The following LRRC75A variants were observed in gnomAD, a reference collection of about 807,000 sequenced individuals.
LRRC75A encodes leucine rich repeat containing 75A.
In LRRC75A, 12 loss-of-function variants were observed where a neutral mutation model predicts 26.0. That is an observed-to-expected ratio of 0.46 (90% CI 0.30 to 0.75). The LOEUF (loss-of-function observed/expected upper bound fraction) is 0.75, where lower values mean the gene tolerates loss of function less well. Ranked by LOEUF, LRRC75A falls within the 30% of genes least tolerant of loss-of-function variation. The pLI is 0.08. For synonymous variants in LRRC75A, 223 were observed against 219.3 expected (o/e 1.02, Z -0.15); for missense variants, 410 against 486.6 (o/e 0.84, Z 1.48).
At chr17:16,476,363 G>A (rs1008429308) in intron 1 of LRRC75A, among the ~76,000 whole-genome samples, 13 of 151,252 alleles carry the variant, frequency 8.6e-5, no homozygotes, top group Admixed American at 8.5e-4. Context: ...GTGAGACTCT[G>A]TCTCAAAAAA....
In LRRC75A at chr17:16,462,222, C is replaced by G. The variant is rs773428798; in HGVS notation, c.375+36G>C. ...CCCAGAAAGGCACCCACCGCACACCCCGGGACCTGGCTGGCTCGGACCACA... is the reference window on the plus strand; with the variant it reads ...CCCAGAAAGGCACCCACCGCACACCGCGGGACCTGGCTGGCTCGGACCACA... On this transcript the variant is annotated intron_variant, in intron 2 of 3. Transcript: ENST00000470794. This position sits in a 1 kb window ranked among gnomAD's most constrained non-coding sequence, Gnocchi z 4.6. 1.2e-5 allele frequency: 19 copies of G among 1,612,990 alleles called. No homozygotes were observed. The highest frequency in any genetic ancestry group is 1.6e-5 in the Non-Finnish European group (19 of 1,179,448).
intron 1 of LRRC75A, among the ~76,000 whole-genome samples, chr17:16,481,892 T>C (rs11868774): frequency 0.37 from 55,932 of 151,992 alleles, 11,021 homozygotes; most frequent in African/African-American, 0.52. Flanking sequence ...GTTCCCCTGA[T>C]TCCCCCACCA....
At chr17:16,465,637 A>C (rs577682271) in intron 1 of LRRC75A, among the ~76,000 whole-genome samples, 1 of 152,216 alleles carries the variant, frequency 6.6e-6, no homozygotes, top group East Asian at 1.9e-4. Flanking sequence ...CTACATCTCC[A>C]AGCTAGTCTA....
At position 16,491,512 on chromosome 17, in the gene LRRC75A, G is replaced by A. The variant is rs2093857068; in HGVS notation, c.246+233C>T. ...AGCAGTGGGGACATTATGCCAACAGGTCCCCTTCGGCGGGCCTCACCCGGC... is the reference window on the plus strand; with the variant it reads ...AGCAGTGGGGACATTATGCCAACAGATCCCCTTCGGCGGGCCTCACCCGGC... On this transcript the variant is annotated intron_variant, in intron 1 of 3. Coordinates refer to ENST00000470794, the MANE Select transcript of LRRC75A (RefSeq NM_001113567.3). The surrounding 1 kb of genome is among the most constrained non-coding windows in gnomAD (Gnocchi z 5.9). Among the ~76,000 whole-genome samples the A allele has an allele frequency of 6.6e-6, 1 of 152,174 alleles. No individual in the cohort carries two copies. Among genetic ancestry groups the A allele is most frequent in the East Asian group, 1.9e-4 (1 of 5,184 alleles).
intron 1 of LRRC75A, among the ~76,000 whole-genome samples, chr17:16,469,153 A>G (rs2093791378): frequency 6.6e-6 from 1 of 152,084 alleles, no homozygotes; most frequent in African/African-American, 2.4e-5. Flanking sequence ...TGCATGATAC[A>G]CTTTCATCCA....
In LRRC75A at chr17:16,485,661, T is replaced by C. The variant is rs568217115; in HGVS notation, c.246+6084A>G. Among the ~76,000 whole-genome samples, 5 of 130,498 alleles carry C rather than the reference T, an allele frequency of 3.8e-5. No homozygotes were observed. In the South Asian group the frequency reaches 1.2e-3, roughly 30 times the overall value. 85.6% of individuals were successfully genotyped at this position (130,498 alleles called of 152,430 possible). On this transcript the variant is annotated intron_variant, in intron 1 of 3. Transcript: ENST00000470794. Reference sequence around the variant, plus strand: ...GTGTGTGTGTGTGTGTGTGTGTGTGTGTGTGTGTTCGTGTGTGTGTGTGTG... The same window carrying C: ...GTGTGTGTGTGTGTGTGTGTGTGTGCGTGTGTGTTCGTGTGTGTGTGTGTG...
intron 3 of LRRC75A, among the ~76,000 whole-genome samples, chr17:16,445,303 C>T (rs1429749548): frequency 2.0e-5 from 3 of 149,068 alleles, no homozygotes; most frequent in African/African-American, 7.4e-5. Context: ...GTAGCTGGGA[C>T]TACAGGTGTG....
intron 1 of LRRC75A, among the ~76,000 whole-genome samples, chr17:16,468,512 A>G (rs1215315793): frequency 6.6e-6 from 1 of 152,246 alleles, no homozygotes; most frequent in African/African-American, 2.4e-5. Context: ...AGACTAGTTA[A>G]TTCATACAGA....
At chr17:16,469,508 C>T (rs763970635) in intron 1 of LRRC75A, among the ~76,000 whole-genome samples, 2 of 152,214 alleles carry the variant, frequency 1.3e-5, no homozygotes, top group African/African-American at 2.4e-5. Context: ...GTGACACCCA[C>T]GTCTATCAGC....
intron 2 of LRRC75A, among the ~76,000 whole-genome samples, chr17:16,452,136 G>GA (rs1449800404): frequency 7.1e-6 from 1 of 141,556 alleles, no homozygotes; most frequent in Non-Finnish European, 1.5e-5. Flanking sequence ...AGGATCACTT[G>GA]ACCCCAGGAG....
In LRRC75A at chr17:16,491,689, CGGCCCAGCA is replaced by C; in HGVS notation, c.246+47_246+55del. 8.2e-7 allele frequency: 1 copy of C among 1,215,074 alleles called. No individual in the cohort carries two copies. The highest frequency in any genetic ancestry group is 1.0e-6 in the Non-Finnish European group (1 of 961,738). 75.3% of individuals were successfully genotyped at this position (1,215,074 alleles called of 1,614,324 possible). A position where few individuals can be genotyped will look rare whatever the true frequency, so the allele number is the denominator to read the frequency against. ...TCGGTTAGGGATGGGGCGCCCCCCC[CGGCCCAGCA>C]CGCCCCCTGGCCCGGCGCGCCCCCC... On this transcript the variant is annotated intron_variant, in intron 1 of 3. Transcript: ENST00000470794. This position sits in a 1 kb window ranked among gnomAD's most constrained non-coding sequence, Gnocchi z 5.9.
Position 16,462,486 on chromosome 17 carries a change from G to C in LRRC75A, c.247-100C>G. On this transcript the variant is annotated intron_variant, in intron 1 of 3. Coordinates refer to ENST00000470794, the MANE Select transcript of LRRC75A (RefSeq NM_001113567.3). The surrounding 1 kb of genome is among the most constrained non-coding windows in gnomAD (Gnocchi z 4.6). Reference sequence around the variant, plus strand: ...GGCACAGACCCCTAGAGGCGACTCTGCCTCCCAGAGCCCCGGTGGGGAGCA... The same window carrying C: ...GGCACAGACCCCTAGAGGCGACTCTCCCTCCCAGAGCCCCGGTGGGGAGCA... The C allele has an allele frequency of 6.7e-7, 1 of 1,486,304 alleles. No homozygotes were observed. Among genetic ancestry groups the C allele is most frequent in the South Asian group, 1.3e-5 (1 of 79,538 alleles). 92.1% of individuals were successfully genotyped at this position (1,486,304 alleles called of 1,614,324 possible). A position where few individuals can be genotyped will look rare whatever the true frequency, so the allele number is the denominator to read the frequency against.
At chr17:16,467,467 A>G (rs1345981247) in intron 1 of LRRC75A, among the ~76,000 whole-genome samples, 3 of 152,012 alleles carry the variant, frequency 2.0e-5, no homozygotes, top group African/African-American at 7.3e-5. Flanking sequence ...TCACACCTTC[A>G]CTCTGTATTC....
intron 2 of LRRC75A, among the ~76,000 whole-genome samples, chr17:16,451,861 C>T (rs985798029): frequency 6.6e-6 from 1 of 151,304 alleles, no homozygotes; most frequent in African/African-American, 2.4e-5. Context: ...TCTCCTGCCT[C>T]AGCCTCTCCA....
At position 16,443,689 on chromosome 17, in the gene LRRC75A, G is replaced by T. The variant is rs964201452; in HGVS notation, c.934C>A (p.Arg312=). The T allele has an allele frequency of 3.1e-6, 5 of 1,606,790 alleles. No homozygotes were observed. The highest frequency in any genetic ancestry group is 4.2e-6 in the Non-Finnish European group (5 of 1,176,636). ...GEGPGSGEEV[R]EGTVGQEDPG... ...TCCTCCTGGCCTACTGTCCCTTCCCGGACCTCCTCCCCACTGCCTGGGCCC... is the reference window on the plus strand; with the variant it reads ...TCCTCCTGGCCTACTGTCCCTTCCCTGACCTCCTCCCCACTGCCTGGGCCC... The change falls in exon 4 of 4, where the codon CGG becomes AGG. Residue 312 remains arginine, a synonymous_variant. Transcript: ENST00000470794.
chr17:16,484,695 C>CA (rs1165219264), intron 1 of LRRC75A, among the ~76,000 whole-genome samples: 2 of 152,066 alleles, frequency 1.3e-5, no homozygotes, highest in Non-Finnish European at 2.9e-5. Flanking sequence ...ATGAAAGAAA[C>CA]AGAGACACAA....
intron 1 of LRRC75A, among the ~76,000 whole-genome samples, chr17:16,483,891 G>T (rs1329855513): frequency 6.6e-6 from 1 of 152,214 alleles, no homozygotes; most frequent in Non-Finnish European, 1.5e-5. Flanking sequence ...GGAGGAACAG[G>T]AACTCGATTG....
intron 2 of LRRC75A, chr17:16,448,204 T>A (rs542773464): frequency 4.3e-6 from 2 of 467,394 alleles, no homozygotes; most frequent in South Asian, 4.0e-5. Flanking sequence ...TAAGTCTGGA[T>A]TCCAGGAGAT....
In LRRC75A at chr17:16,462,921, C is replaced by T. The variant is rs1204544209; in HGVS notation, c.247-535G>A. ...CTGCCAGGCACCCAGAAGGAAACCT[C>T]ATCAGGACTCCCTCAGAAAGGTACT... On this transcript the variant is annotated intron_variant, in intron 1 of 3. Transcript: ENST00000470794. The surrounding 1 kb of genome is among the most constrained non-coding windows in gnomAD (Gnocchi z 4.6). The T allele has an allele frequency of 6.3e-6, 1 of 159,392 alleles. No individual in the cohort carries two copies. The highest frequency in any genetic ancestry group is 1.4e-5 in the Non-Finnish European group (1 of 72,258). The allele number at this position is 159,392 out of a possible 1,614,324, so 9.9% of individuals were successfully genotyped here. A position where few individuals can be genotyped will look rare whatever the true frequency, so the allele number is the denominator to read the frequency against.
Sources: allele counts gnomAD v4.1 joint callset (sites outside exome capture counted in the v4.1 genomes callset), GRCh38; gene constraint gnomAD v4.1.1; non-coding constraint Gnocchi (gnomAD v3.1); transcripts MANE v1.5; gene names NCBI Gene and HGNC (gene_info 2026-07-23, HGNC 2026-07-21).